Variants in MRTFA observed in about 807,000 individuals in gnomAD.
MRTFA encodes myocardin related transcription factor A, also known as myocardin-related transcription factor A.
Under a neutral mutation model 83.5 loss-of-function variants are expected in MRTFA, and 20 were observed. That is an observed-to-expected ratio of 0.24 (90% CI 0.17 to 0.35). The LOEUF is 0.35. Ranked by LOEUF, MRTFA falls within the 10% of genes least tolerant of loss-of-function variation. The pLI, the probability that MRTFA is intolerant of heterozygous loss-of-function variation, is 1.00. For synonymous variants in MRTFA, 659 were observed against 541.2 expected (o/e 1.22, Z -3.02); for missense variants, 1,200 against 1,224.7 (o/e 0.98, Z 0.30).
At chr22:40,429,542 C>T in intron 7 of MRTFA, 64 bp downstream of exon 7, 1 of 1,595,644 alleles carries the variant, frequency 6.3e-7, no homozygotes, top group Non-Finnish European at 8.6e-7. Flanking sequence ...CTGCTTCAGC[C>T]TGGCACTCCC....
At chr22:40,564,096 T>C (rs192925636) in intron 2 of MRTFA, among the ~76,000 whole-genome samples, 2 of 152,308 alleles carry the variant, frequency 1.3e-5, no homozygotes, top group Admixed American at 1.3e-4. Flanking sequence ...TAAGATAGAA[T>C]GTGTTTCTGT....
In MRTFA at chr22:40,420,810, G is replaced by A. The variant is rs779324032; in HGVS notation, c.1181+37C>T. On this transcript the variant is annotated intron_variant, in intron 10 of 14. Coordinates refer to ENST00000355630, the MANE Select transcript of MRTFA (RefSeq NM_020831.6). ...ACCTGCCTGGCTCAGGGTGGCTCGG[G>A]GAGGGCAGGGGCAGGCAGTGAGGAG... 19 of 1,609,952 alleles carry A rather than the reference G, an allele frequency of 1.2e-5. No homozygotes were observed. In the South Asian group the frequency reaches 1.7e-4, roughly 14 times the overall value.
intron 3 of MRTFA, among the ~76,000 whole-genome samples, chr22:40,538,985 C>CTTTTTTTTTTTTTTTTTTTTTTTTTTTTT (rs201694198): frequency 9.4e-6 from 1 of 106,888 alleles, no homozygotes. Flanking sequence ...GATACACAGC[C>CTTTTTTTTTTTTTTTTTTTTTTTTTTTTT]TTTTGTTTTT....
At chr22:40,581,971 G>C (rs911552711) in intron 2 of MRTFA, among the ~76,000 whole-genome samples, 35 of 152,274 alleles carry the variant, frequency 2.3e-4, no homozygotes, top group African/African-American at 8.4e-4. Flanking sequence ...CAACTCAGTG[G>C]ATTTTAGTGT....
chr22:40,632,252 C>G (rs1221735613), intron 1 of MRTFA, among the ~76,000 whole-genome samples: 1 of 152,152 alleles, frequency 6.6e-6, no homozygotes, highest in African/African-American at 2.4e-5. Context: ...CTCAGTCAAG[C>G]CTTCAGATGA....
intron 3 of MRTFA, among the ~76,000 whole-genome samples, chr22:40,496,913 C>T (rs2054364259): frequency 6.6e-6 from 1 of 152,164 alleles, no homozygotes; most frequent in Non-Finnish European, 1.5e-5. Flanking sequence ...CTGGAGTAGA[C>T]AAGGTGTCCT....
chr22:40,551,102 G>A (rs1003153480), intron 3 of MRTFA, among the ~76,000 whole-genome samples: 4 of 151,454 alleles, frequency 2.6e-5, no homozygotes, highest in Admixed American at 6.6e-5. Flanking sequence ...CGCCCGCCTC[G>A]GCCTCCCAAA....
intron 1 of MRTFA, among the ~76,000 whole-genome samples, chr22:40,621,882 T>C (rs2056526957): frequency 6.6e-6 from 1 of 152,208 alleles, no homozygotes; most frequent in Non-Finnish European, 1.5e-5. Flanking sequence ...CTATAACTGT[T>C]ACACTATACA....
chr22:40,603,449 C>G, intron 1 of MRTFA, among the ~76,000 whole-genome samples: 1 of 152,136 alleles, frequency 6.6e-6, no homozygotes, highest in Non-Finnish European at 1.5e-5. Flanking sequence ...ACATACTTAA[C>G]TACCATAACA....
At chr22:40,566,030 G>C (rs1214662102) in intron 2 of MRTFA, among the ~76,000 whole-genome samples, 1 of 152,124 alleles carries the variant, frequency 6.6e-6, no homozygotes, top group African/African-American at 2.4e-5. Flanking sequence ...GTCTGAACTT[G>C]ACAAGAAACA....
At chr22:40,426,806 C>G (rs932324402) in intron 7 of MRTFA, among the ~76,000 whole-genome samples, 1 of 152,246 alleles carries the variant, frequency 6.6e-6, no homozygotes, top group African/African-American at 2.4e-5. Flanking sequence ...TCCATTACAG[C>G]AGCTGCCAGC....
intron 3 of MRTFA, among the ~76,000 whole-genome samples, chr22:40,538,932 TAC>T (rs1382912887): frequency 6.6e-6 from 1 of 150,832 alleles, no homozygotes; most frequent in Non-Finnish European, 1.5e-5. Context: ...TGATATGATC[TAC>T]AGTCTCTATT....
At chr22:40,436,231 T>A (rs2053167365) in intron 4 of MRTFA, 1 of 154,718 alleles carries the variant, frequency 6.5e-6, no homozygotes, top group Non-Finnish European at 1.5e-5. Flanking sequence ...CCTCACATTA[T>A]TCTCAGGACA....
At chr22:40,508,001 G>C (rs62239086) in intron 3 of MRTFA, among the ~76,000 whole-genome samples, 1 of 140,168 alleles carries the variant, frequency 7.1e-6, no homozygotes, top group Non-Finnish European at 1.5e-5. Context: ...AAAAAAAAAG[G>C]AGTTGATTTA....
chr22:40,550,745 TTAG>T (rs2055430899), intron 3 of MRTFA, among the ~76,000 whole-genome samples: 1 of 152,124 alleles, frequency 6.6e-6, no homozygotes, highest in Non-Finnish European at 1.5e-5. Context: ...CAAATTCAAG[TTAG>T]TAGTTTCCTC....
chr22:40,448,572 T>C (rs1418899769), intron 4 of MRTFA, among the ~76,000 whole-genome samples: 1 of 152,240 alleles, frequency 6.6e-6, no homozygotes, highest in Non-Finnish European at 1.5e-5. Context: ...TTGGCCATCT[T>C]TTCCTAGCTA....
chr22:40,608,321 TCTAA>T (rs2056343567), intron 1 of MRTFA, among the ~76,000 whole-genome samples: 1 of 152,142 alleles, frequency 6.6e-6, no homozygotes, highest in Admixed American at 6.5e-5. Flanking sequence ...CGGCCTGTCA[TCTAA>T]CTTAAGGTCC....
Position 40,424,281 on chromosome 22 carries a change from C to A in MRTFA, c.702G>T (p.Gln234His). Residue 234 changes from glutamine to histidine, a missense_variant, in exon 8 of 15, where the codon CAG (glutamine) becomes CAT (histidine). By Grantham distance (24) the Gln-to-His change is conservative. Around this residue, in one of 2 missense-constraint regions of MRTFA, gnomAD observed 1,107 missense variants for 1,041.8 expected, o/e 1.06. Transcript: ENST00000355630. Reference sequence around the variant, plus strand: ...CCTCCAGGGGTGACGGCACAGAACCCTGGGACTCATGGCTGGCAGGCTGCT... The same window carrying A: ...CCTCCAGGGGTGACGGCACAGAACCATGGGACTCATGGCTGGCAGGCTGCT... 1 of 1,612,698 alleles carries A rather than the reference C, an allele frequency of 6.2e-7. No homozygotes were observed. Among genetic ancestry groups the A allele is most frequent in the Non-Finnish European group, 8.5e-7 (1 of 1,179,460 alleles).
At chr22:40,610,043 CTTTTTTTT>C (rs966206904) in intron 1 of MRTFA, among the ~76,000 whole-genome samples, 1 of 124,598 alleles carries the variant, frequency 8.0e-6, no homozygotes, top group Admixed American at 8.3e-5. Context: ...TTTTTTTTCT[CTTTTTTTT>C]TTTTTTTTTT....
Sources: gnomAD v4.1 joint callset for allele counts (sites outside exome capture counted in the v4.1 genomes callset) on GRCh38, gnomAD v4.1.1 for gene constraint, gnomAD v4.1.1 regional missense constraint, MANE v1.5 for transcripts, NCBI Gene and HGNC (gene_info 2026-07-23, HGNC 2026-07-21) for gene names.